The following PPP1R9A variants were observed in gnomAD, a reference collection of about 807,000 sequenced individuals.
PPP1R9A encodes protein phosphatase 1 regulatory subunit 9A, also known as neurabin-1.
Under a neutral mutation model 141.9 loss-of-function variants are expected in PPP1R9A, and 59 were observed. That is an observed-to-expected ratio of 0.42 (90% CI 0.34 to 0.52). The LOEUF (loss-of-function observed/expected upper bound fraction) is 0.52. PPP1R9A is among the 20% of genes least tolerant of loss of function. The pLI is 0.10. For synonymous variants in PPP1R9A, 500 were observed against 569.7 expected, an observed-to-expected ratio of 0.88 and a Z score of 1.74; for missense variants, 1,444 against 1,611.9, an observed-to-expected ratio of 0.90 and a Z score of 1.78.
chr7:94,994,599 A>T (rs1358021451), intron 2 of PPP1R9A, among the ~76,000 whole-genome samples: 5 of 152,176 alleles, frequency 3.3e-5, no homozygotes, highest in African/African-American at 4.8e-5. Context: ...TTAATTTTTT[A>T]AAAAACTAAT....
At chr7:95,017,551 A>G (rs1415210243) in intron 2 of PPP1R9A, among the ~76,000 whole-genome samples, 1 of 152,168 alleles carries the variant, frequency 6.6e-6, no homozygotes, top group African/African-American at 2.4e-5. Flanking sequence ...TAAGACCCCT[A>G]CACTGAAAAA....
chr7:95,049,913 A>C (rs1156310224), intron 2 of PPP1R9A, among the ~76,000 whole-genome samples: 3 of 152,054 alleles, frequency 2.0e-5, no homozygotes, highest in African/African-American at 7.2e-5. Context: ...TTATCCATTC[A>C]CCTGTGGGTG....
At chr7:95,219,423 T>C (rs1290221746) in intron 7 of PPP1R9A, among the ~76,000 whole-genome samples, 1 of 152,154 alleles carries the variant, frequency 6.6e-6, no homozygotes, top group Non-Finnish European at 1.5e-5. Flanking sequence ...ATTTCAACTT[T>C]GGTGAATTTG....
intron 5 of PPP1R9A, among the ~76,000 whole-genome samples, chr7:95,195,861 G>T (rs1836194535): frequency 6.6e-6 from 1 of 152,000 alleles, no homozygotes; most frequent in Non-Finnish European, 1.5e-5. Flanking sequence ...GAACAGCCTG[G>T]GCAAAACAAT....
chr7:95,142,890 A>G (rs906520215), intron 4 of PPP1R9A, among the ~76,000 whole-genome samples: 2 of 152,162 alleles, frequency 1.3e-5, no homozygotes, highest in African/African-American at 4.8e-5. Context: ...ATTATGTGTT[A>G]TATATATTAT....
At chr7:95,129,771 G>A (rs1310443376) in intron 4 of PPP1R9A, among the ~76,000 whole-genome samples, 2 of 152,140 alleles carry the variant, frequency 1.3e-5, no homozygotes, top group Non-Finnish European at 2.9e-5. Context: ...CTGGAGCAAA[G>A]GTGATTCTTG....
intron 2 of PPP1R9A, among the ~76,000 whole-genome samples, chr7:95,099,280 T>C (rs1283554060): frequency 6.6e-6 from 1 of 152,164 alleles, no homozygotes; most frequent in Admixed American, 6.5e-5. Context: ...TGGTTGCCAA[T>C]TGGGTTAATT....
At chr7:95,212,912 C>T (rs1792435416) in intron 7 of PPP1R9A, among the ~76,000 whole-genome samples, 1 of 152,142 alleles carries the variant, frequency 6.6e-6, no homozygotes, top group South Asian at 2.1e-4. Context: ...GAAAGTTAGA[C>T]TAATTCTGCT....
chr7:95,196,070 C>CGTGTGTGT (rs61241471), intron 5 of PPP1R9A, among the ~76,000 whole-genome samples: 10 of 149,088 alleles, frequency 6.7e-5, no homozygotes, highest in African/African-American at 2.5e-4. Context: ...TACACACATA[C>CGTGTGTGT]GTGTGTGTGT....
chr7:95,232,699 G>C (rs1205860346), intron 8 of PPP1R9A, among the ~76,000 whole-genome samples: 2 of 152,106 alleles, frequency 1.3e-5, no homozygotes, highest in African/African-American at 4.8e-5. Context: ...CCATCAAAAA[G>C]TGGGCTAAGG....
intron 4 of PPP1R9A, among the ~76,000 whole-genome samples, chr7:95,134,559 C>T (rs1407859752): frequency 2.0e-5 from 3 of 152,124 alleles, no homozygotes; most frequent in African/African-American, 7.2e-5. Context: ...GTCTCAGCCT[C>T]CTGAGTAGCT....
chr7:95,047,527 A>G (rs1489293267), intron 2 of PPP1R9A, among the ~76,000 whole-genome samples: 1 of 152,180 alleles, frequency 6.6e-6, no homozygotes. Context: ...TGTTGTAAAT[A>G]TAGTTGAGTG....
At chr7:95,073,247 A>G (rs1179050351) in intron 2 of PPP1R9A, among the ~76,000 whole-genome samples, 2 of 151,758 alleles carry the variant, frequency 1.3e-5, no homozygotes, top group South Asian at 2.1e-4. Flanking sequence ...CGGTCTCTCA[A>G]AGTGGTGAGA....
intron 4 of PPP1R9A, chr7:95,155,209 C>G (rs1214634934): frequency 8.3e-6 from 1 of 121,212 alleles, no homozygotes; most frequent in East Asian, 2.4e-4. Context: ...TTTTTTGAGA[C>G]AGAGTCTTGC....
intron 2 of PPP1R9A, among the ~76,000 whole-genome samples, chr7:95,017,915 C>T (rs1194402349): frequency 1.3e-5 from 2 of 152,150 alleles, no homozygotes; most frequent in Non-Finnish European, 2.9e-5. Context: ...TTTCCAAAGA[C>T]ATTTGTATAG....
At chr7:95,104,042 C>G (rs1300038471) in intron 2 of PPP1R9A, among the ~76,000 whole-genome samples, 3 of 151,236 alleles carry the variant, frequency 2.0e-5, no homozygotes, top group Admixed American at 6.6e-5. Context: ...GAAGCCTGCA[C>G]CCAGATATTG....
chr7:95,005,229 G>A (rs1228283131), intron 2 of PPP1R9A, among the ~76,000 whole-genome samples: 1 of 151,798 alleles, frequency 6.6e-6, no homozygotes, highest in African/African-American at 2.4e-5. Context: ...ATTTCACTTT[G>A]TAATTATATG....
chr7:95,028,669 G>GT (rs1216773516), intron 2 of PPP1R9A, among the ~76,000 whole-genome samples: 3 of 152,160 alleles, frequency 2.0e-5, no homozygotes, highest in Non-Finnish European at 4.4e-5. Flanking sequence ...TTTTTATGAA[G>GT]TTTAAAGTTC....
chr7:95,254,602 A>T (rs1375909374), intron 12 of PPP1R9A, among the ~76,000 whole-genome samples: 1 of 152,146 alleles, frequency 6.6e-6, no homozygotes, highest in Non-Finnish European at 1.5e-5. Flanking sequence ...GAGTGGTAGG[A>T]TGAGTGGTTT....
Sources: allele counts gnomAD v4.1 joint callset (sites outside exome capture counted in the v4.1 genomes callset), GRCh38; gene constraint gnomAD v4.1.1; transcripts MANE v1.5; gene names NCBI Gene and HGNC (gene_info 2026-07-23, HGNC 2026-07-21).